Variants in RBKS observed in about 807,000 individuals in gnomAD.
The protein encoded by RBKS is ribokinase.
In RBKS, 33 loss-of-function variants were observed where a neutral mutation model predicts 33.9. The observed-to-expected ratio is 0.97, with a 90% confidence interval of 0.74 to 1.30. The LOEUF is 1.30. Among genes scored for constraint, RBKS ranks in the 50% most tolerant of loss-of-function variants. RBKS has a pLI of 0.00. For synonymous variants in RBKS, 125 were observed against 143.0 expected (o/e 0.87, Z 0.90); for missense variants, 361 against 392.6 (o/e 0.92, Z 0.68).
intron 1 of RBKS, among the ~76,000 whole-genome samples, chr2:27,877,073 C>G (rs1380655758): frequency 6.6e-6 from 1 of 152,278 alleles, no homozygotes; most frequent in African/African-American, 2.4e-5. Flanking sequence ...TGGCTCCAAT[C>G]TTAATTAGGT....
In RBKS at chr2:27,825,799, C is replaced by A. The variant is rs531729705; in HGVS notation, c.795+1768G>T. ...TGCACCAAATAAATCCTTTTTCCTG[C>A]ATAAGCCTGAGTTGTGCTTCTGGTG... On this transcript the variant is annotated intron_variant, in intron 7 of 7. Transcript: ENST00000302188. Among the ~76,000 whole-genome samples the A allele has an allele frequency of 2.0e-5, 3 of 152,350 alleles. No individual in the cohort carries two copies. In the South Asian group the frequency reaches 6.2e-4, roughly 32 times the overall value.
chr2:27,870,311 TG>T (rs1482019675), intron 1 of RBKS: 1 of 156,092 alleles, frequency 6.4e-6, no homozygotes, highest in African/African-American at 2.4e-5. Flanking sequence ...CATTCTCCCC[TG>T]AAGTGACAGA....
chr2:27,819,124 T>G (rs1325665119), intron 7 of RBKS, among the ~76,000 whole-genome samples: 1 of 152,196 alleles, frequency 6.6e-6, no homozygotes, highest in Non-Finnish European at 1.5e-5. Context: ...TACCATGGAC[T>G]GAATAGCTTA....
At chr2:27,829,808 G>T (rs1678386675) in intron 6 of RBKS, among the ~76,000 whole-genome samples, 1 of 152,108 alleles carries the variant, frequency 6.6e-6, no homozygotes, top group Non-Finnish European at 1.5e-5. Flanking sequence ...GGTTGGCTTG[G>T]TTTACTTCTT....
At chr2:27,833,924 A>G (rs553819043) in intron 5 of RBKS, among the ~76,000 whole-genome samples, 2 of 152,278 alleles carry the variant, frequency 1.3e-5, no homozygotes, top group East Asian at 3.9e-4. Context: ...TAGTGTAAAA[A>G]TCTCTAGCTG....
chr2:27,782,363 TAAAA>T (rs1201172139), intron 7 of RBKS, among the ~76,000 whole-genome samples: 27 of 146,686 alleles, frequency 1.8e-4, no homozygotes, highest in Admixed American at 1.8e-3. Context: ...AAATTTTAAT[TAAAA>T]AAAAAAGGGT....
intron 7 of RBKS, among the ~76,000 whole-genome samples, chr2:27,800,909 C>T (rs1041293460): frequency 8.5e-5 from 13 of 152,142 alleles, no homozygotes; most frequent in Admixed American, 5.2e-4. Flanking sequence ...CCCATGCTTT[C>T]ATTTGGGGAG....
intron 6 of RBKS, 108 bp from the exon 7 acceptor site, chr2:27,827,863 A>G: frequency 2.2e-6 from 2 of 899,236 alleles, no homozygotes; most frequent in East Asian, 5.8e-5. Context: ...ATAACAACCA[A>G]TGCAATGGGA....
intron 7 of RBKS, among the ~76,000 whole-genome samples, chr2:27,784,626 G>T (rs1005777941): frequency 2.6e-5 from 4 of 152,198 alleles, no homozygotes; most frequent in African/African-American, 7.2e-5. Flanking sequence ...AGACCTCAAA[G>T]AATAAAGACA....
intron 1 of RBKS, among the ~76,000 whole-genome samples, chr2:27,875,518 A>C (rs1664295488): frequency 6.6e-6 from 1 of 152,256 alleles, no homozygotes. Flanking sequence ...GCAACACTGC[A>C]TTCCGGCCTG....
intron 7 of RBKS, among the ~76,000 whole-genome samples, chr2:27,824,903 G>A (rs1342300309): frequency 1.3e-5 from 2 of 152,150 alleles, no homozygotes; most frequent in African/African-American, 2.4e-5. Flanking sequence ...CTAGGAGGCT[G>A]AAGTGGGTGG....
chr2:27,861,227 C>T (rs180708214), intron 1 of RBKS, among the ~76,000 whole-genome samples: 6 of 152,236 alleles, frequency 3.9e-5, no homozygotes, highest in African/African-American at 1.4e-4. Flanking sequence ...CTTAGCCTCC[C>T]AAAGTGCTGG....
At chr2:27,844,715 C>T (rs1284053344) in intron 4 of RBKS, among the ~76,000 whole-genome samples, 2 of 152,134 alleles carry the variant, frequency 1.3e-5, no homozygotes, top group African/African-American at 2.4e-5. Flanking sequence ...TTTTTGATTA[C>T]ACACTGTAAT....
At chr2:27,849,582 AAAAAGAAAAAG>A (rs1663695405) in intron 2 of RBKS, among the ~76,000 whole-genome samples, 1 of 135,404 alleles carries the variant, frequency 7.4e-6, no homozygotes, top group Non-Finnish European at 1.5e-5. Flanking sequence ...AAAAAAAAAA[AAAAAGAAAAAG>A]AAAAAAAGAA....
intron 5 of RBKS, among the ~76,000 whole-genome samples, chr2:27,841,164 A>G (rs1663492891): frequency 6.6e-6 from 1 of 151,954 alleles, no homozygotes. Context: ...GACCCCACCC[A>G]ATGACAGCCC....
intron 1 of RBKS, among the ~76,000 whole-genome samples, chr2:27,867,942 T>C (rs937733291): frequency 1.3e-5 from 2 of 152,216 alleles, no homozygotes; most frequent in Non-Finnish European, 1.5e-5. Context: ...CCTGATGAAC[T>C]GCTTTTAAAT....
chr2:27,805,966 A>G (rs1045504835), intron 7 of RBKS, among the ~76,000 whole-genome samples: 2 of 151,650 alleles, frequency 1.3e-5, no homozygotes, highest in African/African-American at 4.9e-5. Flanking sequence ...ATCTCAGCTC[A>G]CTGTAGGCTC....
rs534856436 is a variant in RBKS at position 27,851,944 on chromosome 2, A to G, written c.223-3847T>C. Among the ~76,000 whole-genome samples the G allele has an allele frequency of 6.6e-5, 10 of 152,042 alleles. No homozygotes were observed. In the South Asian group the frequency reaches 2.1e-3, roughly 32 times the overall value. On this transcript the variant is annotated intron_variant, in intron 2 of 7. Coordinates refer to ENST00000302188, the MANE Select transcript of RBKS (RefSeq NM_022128.3). ...ACAGCCTCCTTGAAGGCACCCTCAC[A>G]CTCTTTTGACTACAGCAGTGAAATA...
At chr2:27,851,355 G>A (rs1663741951) in intron 2 of RBKS, among the ~76,000 whole-genome samples, 1 of 151,950 alleles carries the variant, frequency 6.6e-6, no homozygotes, top group South Asian at 2.1e-4. Context: ...CACCTCCTAT[G>A]ACATTCCTAA....
Sources: allele counts gnomAD v4.1 joint callset (sites outside exome capture counted in the v4.1 genomes callset), GRCh38; gene constraint gnomAD v4.1.1; transcripts MANE v1.5; gene names NCBI Gene and HGNC (gene_info 2026-07-23, HGNC 2026-07-21).